DLG2: variants seen among roughly 807,000 people sequenced by gnomAD.
DLG2 encodes the protein disks large homolog 2.
A neutral mutation model predicts 132.5 loss-of-function variants in DLG2; 45 were observed. That is an observed-to-expected ratio of 0.34 (90% CI 0.27 to 0.44). The LOEUF is 0.44. DLG2 is among the 20% of genes least tolerant of loss of function. The pLI is 1.00. For missense variants in DLG2, 1,045 were observed against 1,196.9 expected (o/e 0.87, Z 1.87); for synonymous variants, 424 against 419.6 (o/e 1.01, Z -0.13).
At chr11:84,429,409 C>T (rs2098977247) in intron 7 of DLG2, among the ~76,000 whole-genome samples, 1 of 152,098 alleles carries the variant, frequency 6.6e-6, no homozygotes, top group Non-Finnish European at 1.5e-5. Flanking sequence ...TGGGGCAGAG[C>T]CAGTTAACAC....
chr11:84,653,718 A>G (rs2099684786), intron 6 of DLG2, among the ~76,000 whole-genome samples: 2 of 152,200 alleles, frequency 1.3e-5, no homozygotes. Context: ...CTCCTAACTT[A>G]TGGGATATTA....
At chr11:85,503,266 C>G (rs181426112) in intron 3 of DLG2, among the ~76,000 whole-genome samples, 1 of 152,014 alleles carries the variant, frequency 6.6e-6, no homozygotes, top group Non-Finnish European at 1.5e-5. Flanking sequence ...AAATACTTTT[C>G]TTGACACTTC....
At chr11:85,080,791 G>T (rs1358742021) in intron 6 of DLG2, among the ~76,000 whole-genome samples, 1 of 152,100 alleles carries the variant, frequency 6.6e-6, no homozygotes, top group African/African-American at 2.4e-5. Flanking sequence ...CATCAAGCTG[G>T]AGGTGGTGTT....
At chr11:85,198,757 T>G (rs1274272486) in intron 4 of DLG2, among the ~76,000 whole-genome samples, 1 of 152,174 alleles carries the variant, frequency 6.6e-6, no homozygotes, top group Non-Finnish European at 1.5e-5. Context: ...GCTTTTTGCC[T>G]CATTTATAAC....
chr11:84,936,440 T>G (rs933279091), intron 6 of DLG2, among the ~76,000 whole-genome samples: 2 of 152,124 alleles, frequency 1.3e-5, no homozygotes, highest in African/African-American at 4.8e-5. Flanking sequence ...ATGAAAAAAT[T>G]ACTAAGCAAA....
intron 6 of DLG2, among the ~76,000 whole-genome samples, chr11:84,595,575 C>T (rs529259809): frequency 6.6e-6 from 1 of 151,822 alleles, no homozygotes; most frequent in South Asian, 2.1e-4. Flanking sequence ...AGTCTACAGA[C>T]ACCAGGAACT....
chr11:84,532,720 G>A (rs1299190972), intron 7 of DLG2, among the ~76,000 whole-genome samples: 1 of 152,130 alleles, frequency 6.6e-6, no homozygotes, highest in African/African-American at 2.4e-5. Flanking sequence ...TGGTCTTGAA[G>A]TCCTGGGATC....
intron 3 of DLG2, among the ~76,000 whole-genome samples, chr11:85,533,346 T>G (rs1264481035): frequency 6.6e-6 from 1 of 151,720 alleles, no homozygotes; most frequent in East Asian, 1.9e-4. Context: ...TTATTGTGAT[T>G]TTTTTTAACT....
intron 4 of DLG2, among the ~76,000 whole-genome samples, chr11:85,255,986 T>C (rs776561248): frequency 2.0e-5 from 3 of 152,174 alleles, no homozygotes; most frequent in Non-Finnish European, 4.4e-5. Context: ...AGCTAAAAGA[T>C]ATTAGATAAT....
chr11:84,303,848 T>C (rs1409200697), intron 7 of DLG2, among the ~76,000 whole-genome samples: 1 of 152,174 alleles, frequency 6.6e-6, no homozygotes, highest in Non-Finnish European at 1.5e-5. Flanking sequence ...TCATTCTTGA[T>C]CTTAAGACAC....
intron 18 of DLG2, among the ~76,000 whole-genome samples, chr11:83,676,950 A>G (rs991779265): frequency 1.3e-5 from 2 of 152,178 alleles, no homozygotes; most frequent in Non-Finnish European, 2.9e-5. Context: ...AATAATAGAC[A>G]AATGAACTAG....
chr11:83,708,257 T>C (rs561677895), intron 18 of DLG2, among the ~76,000 whole-genome samples: 1 of 152,318 alleles, frequency 6.6e-6, no homozygotes, highest in South Asian at 2.1e-4. Flanking sequence ...ACAAAGTACC[T>C]AGGAAACAGA....
chr11:85,117,832 ATAT>A (rs1159212807), intron 5 of DLG2, among the ~76,000 whole-genome samples: 1 of 151,996 alleles, frequency 6.6e-6, no homozygotes, highest in Non-Finnish European at 1.5e-5. Context: ...TGTATTTGTG[ATAT>A]TAAGTGATTG....
chr11:83,969,446 A>G (rs1190175343), intron 12 of DLG2, among the ~76,000 whole-genome samples: 1 of 152,232 alleles, frequency 6.6e-6, no homozygotes, highest in Non-Finnish European at 1.5e-5. Flanking sequence ...AAAAATAAAT[A>G]AGTAAAATGG....
intron 17 of DLG2, among the ~76,000 whole-genome samples, chr11:83,793,023 A>T (rs1395713346): frequency 2.6e-5 from 4 of 152,150 alleles, no homozygotes; most frequent in Non-Finnish European, 5.9e-5. Flanking sequence ...TGTTTCTTCA[A>T]TTATAAGGTT....
At chr11:83,953,452 T>A (rs893664938) in intron 14 of DLG2, among the ~76,000 whole-genome samples, 1 of 152,170 alleles carries the variant, frequency 6.6e-6, no homozygotes, top group Non-Finnish European at 1.5e-5. Flanking sequence ...ATTGAATGAC[T>A]GATGATCTGA....
intron 6 of DLG2, among the ~76,000 whole-genome samples, chr11:84,609,912 G>T (rs2099592427): frequency 6.6e-6 from 1 of 152,012 alleles, no homozygotes; most frequent in African/African-American, 2.4e-5. Context: ...GTAATAGGGG[G>T]TATGATAATT....
chr11:83,838,516 T>A (rs990195533), intron 16 of DLG2, among the ~76,000 whole-genome samples: 4 of 152,224 alleles, frequency 2.6e-5, no homozygotes, highest in African/African-American at 9.6e-5. Context: ...GAATACGGTA[T>A]ATACCAGAGA....
intron 20 of DLG2, 44 bp downstream of exon 20, chr11:83,541,638 G>A (rs1454748045): frequency 6.7e-7 from 1 of 1,492,522 alleles, no homozygotes; most frequent in African/African-American, 1.4e-5. Flanking sequence ...TCCACTCGCT[G>A]GATAGCTGAC....
Sources: gnomAD v4.1 joint callset for allele counts (sites outside exome capture counted in the v4.1 genomes callset) on GRCh38, gnomAD v4.1.1 for gene constraint, MANE v1.5 for transcripts, NCBI Gene and HGNC (gene_info 2026-07-23, HGNC 2026-07-21) for gene names.